SYT16: variants seen among roughly 807,000 people sequenced by gnomAD.
SYT16 encodes synaptotagmin-16.
Under a neutral mutation model 61.4 loss-of-function variants are expected in SYT16, and 42 were observed. The observed-to-expected ratio is 0.68, with a 90% CI of 0.53 to 0.89. The LOEUF (loss-of-function observed/expected upper bound fraction) is 0.89, where lower values mean the gene tolerates loss of function less well. Ranked by LOEUF, SYT16 falls within the 40% of genes least tolerant of loss-of-function variation. The pLI, the probability that SYT16 is intolerant of heterozygous loss-of-function variation, is 0.00. For synonymous variants in SYT16, 314 were observed against 302.3 expected, an observed-to-expected ratio of 1.04 and a Z score of -0.40; for missense variants, 804 against 807.3, an observed-to-expected ratio of 1.00 and a Z score of 0.05.
At chr14:62,070,402 C>A (rs909120131) in intron 4 of SYT16, among the ~76,000 whole-genome samples, 1 of 152,160 alleles carries the variant, frequency 6.6e-6, no homozygotes, top group African/African-American at 2.4e-5. Flanking sequence ...TTCTGACACA[C>A]CCCACCTGCA....
At chr14:61,844,213 T>C (rs1322865060) in intron 1 of SYT16, among the ~76,000 whole-genome samples, 2 of 152,190 alleles carry the variant, frequency 1.3e-5, no homozygotes, top group Non-Finnish European at 2.9e-5. Context: ...CATGTAGAAA[T>C]GCTGATTTTT....
chr14:62,048,546 C>T (rs936021491), intron 3 of SYT16, among the ~76,000 whole-genome samples: 8 of 152,174 alleles, frequency 5.3e-5, no homozygotes, highest in African/African-American at 1.9e-4. Flanking sequence ...TCTTGCTTCT[C>T]TGGTTCTTTT....
In SYT16 at chr14:62,105,213, G is replaced by A. The variant is rs760053532; in HGVS notation, c.*4506G>A. On this transcript the variant is annotated 3_prime_UTR_variant, in exon 8 of 8. Coordinates refer to ENST00000683842, the MANE Select transcript of SYT16 (RefSeq NM_001367656.1). ...AGTACAAATCCTTGATGGTTTGTGT[G>A]TACCTCTTGATCGATCACAAACAAG... 1.3e-5 allele frequency: 2 copies of A among 152,150 alleles called. No individual in the cohort carries two copies. Among genetic ancestry groups the A allele is most frequent in the South Asian group, 4.1e-4 (2 of 4,828 alleles). 9.4% of individuals were successfully genotyped at this position (152,150 alleles called of 1,614,324 possible).
Position 61,996,644 on chromosome 14 carries a change from C to T in SYT16, c.523+102C>T, listed in dbSNP as rs1324155984. The T allele has an allele frequency of 2.0e-5, 27 of 1,370,638 alleles. 1 individual carries two copies. In the South Asian group the frequency reaches 3.1e-4, roughly 16 times the overall value. The allele number at this position is 1,370,638 out of a possible 1,614,324, so 84.9% of individuals were successfully genotyped here. ...GTTATCATGTGGATTTTATTTTTCT[C>T]TCTCTTATACCTTCCCACATACTGG... On this transcript the variant is annotated intron_variant, in intron 3 of 7. Transcript: ENST00000683842.
intron 1 of SYT16, among the ~76,000 whole-genome samples, chr14:61,942,265 A>C (rs1043431072): frequency 6.6e-6 from 1 of 152,216 alleles, no homozygotes; most frequent in Admixed American, 6.5e-5. Context: ...TGTGTGGAAT[A>C]AATTTCCCAC....
intron 3 of SYT16, among the ~76,000 whole-genome samples, chr14:62,026,040 T>TA (rs1370038443): frequency 6.6e-6 from 1 of 152,188 alleles, no homozygotes; most frequent in Non-Finnish European, 1.5e-5. Context: ...CTGTCTTCAT[T>TA]AAAAAATTAG....
intron 1 of SYT16, among the ~76,000 whole-genome samples, chr14:61,829,465 TA>T (rs1594707300): frequency 1.3e-5 from 2 of 151,226 alleles, no homozygotes; most frequent in Non-Finnish European, 2.9e-5. Flanking sequence ...AAATTTGGGA[TA>T]TTTTTATTAT....
chr14:62,013,448 C>T (rs2053545387), intron 3 of SYT16, among the ~76,000 whole-genome samples: 1 of 152,110 alleles, frequency 6.6e-6, no homozygotes, highest in Non-Finnish European at 1.5e-5. Context: ...ATTCCTAGGT[C>T]GAGTTTAAGG....
intron 1 of SYT16, among the ~76,000 whole-genome samples, chr14:61,903,927 A>G (rs1419766757): frequency 2.0e-5 from 3 of 152,220 alleles, no homozygotes; most frequent in African/African-American, 7.2e-5. Flanking sequence ...ATCCTGCTGA[A>G]GACTTTGTGG....
chr14:62,030,273 C>T (rs777261829), intron 3 of SYT16, among the ~76,000 whole-genome samples: 3 of 152,226 alleles, frequency 2.0e-5, no homozygotes, highest in Middle Eastern at 3.4e-3. Flanking sequence ...CCTTTTCAGT[C>T]GCATGGTAGT....
At chr14:62,093,499 C>G (rs912680830) in intron 7 of SYT16, among the ~76,000 whole-genome samples, 33 of 152,020 alleles carry the variant, frequency 2.2e-4, no homozygotes, top group Non-Finnish European at 4.7e-4. Context: ...CTGCCTCATA[C>G]TATAAACACA....
chr14:61,911,864 TTAAAA>T (rs1451153612), intron 1 of SYT16, among the ~76,000 whole-genome samples: 3 of 152,164 alleles, frequency 2.0e-5, no homozygotes, highest in African/African-American at 4.8e-5. Flanking sequence ...TGTTTGATCT[TTAAAA>T]TAACAGAAAC....
rs368104724 is a variant in SYT16, at chr14:61,944,301, A to G, written c.-324-25831A>G. Among the ~76,000 whole-genome samples, 6 of 152,350 alleles carry G rather than the reference A, an allele frequency of 3.9e-5. No homozygotes were observed. The South Asian group carries it at 6.2e-4, about 16-fold the overall frequency. ...AAGAATTAATATTGTGAAAACGGCC[A>G]TATTGCCCAAAGTAATTTGTAGATT... On this transcript the variant is annotated intron_variant, in intron 1 of 7. Coordinates refer to ENST00000683842, the MANE Select transcript of SYT16 (RefSeq NM_001367656.1).
chr14:61,928,088 A>G (rs1002468298), intron 1 of SYT16, among the ~76,000 whole-genome samples: 1 of 152,134 alleles, frequency 6.6e-6, no homozygotes, highest in African/African-American at 2.4e-5. Context: ...TATTTAACCT[A>G]TTTGTTTTCT....
At position 61,864,555 on chromosome 14, in the gene SYT16, C is replaced by T. The variant is rs1013577636; in HGVS notation, c.-325+51745C>T. Among the ~76,000 whole-genome samples, 4 of 152,264 alleles carry T rather than the reference C, an allele frequency of 2.6e-5. 1 individual carries two copies. The highest frequency in any genetic ancestry group is 5.9e-5 in the Non-Finnish European group (4 of 68,038). On this transcript the variant is annotated intron_variant, in intron 1 of 7. Coordinates refer to ENST00000683842, the MANE Select transcript of SYT16 (RefSeq NM_001367656.1). ...GGTAGAGATGAGCAACCTGGCCTAC[C>T]AAGTGCTGCATGGCGAGGCACTGGC...
rs1396292853 is a variant in SYT16 at position 62,084,344 on chromosome 14, A to G, written c.1583A>G (p.Lys528Arg). 1 of 1,613,164 alleles carries G rather than the reference A, an allele frequency of 6.2e-7. No individual in the cohort carries two copies. The highest frequency in any genetic ancestry group is 8.5e-7 in the Non-Finnish European group (1 of 1,179,786). The part of the protein sequence containing the change: ...TTGRLSVEMI[K>R]GSHFRNLAVN... Reference sequence around the variant, plus strand: ...GGGCGATTATCTGTGGAAATGATCAAAGGCAGCCATTTCCGAAACCTCGCT... The same window carrying G: ...GGGCGATTATCTGTGGAAATGATCAGAGGCAGCCATTTCCGAAACCTCGCT... Residue 528 changes from lysine to arginine, a missense_variant, in exon 7 of 8, where the codon AAA becomes AGA. Lys to Arg is a conservative substitution (Grantham distance 26). Transcript: ENST00000683842.
At chr14:61,821,392 A>C (rs760285974) in intron 1 of SYT16, among the ~76,000 whole-genome samples, 22 of 152,192 alleles carry the variant, frequency 1.4e-4, no homozygotes, top group Non-Finnish European at 2.9e-4. Context: ...GTGGCTTAAA[A>C]AAACACTTAT....
intron 2 of SYT16, among the ~76,000 whole-genome samples, chr14:61,992,778 G>A (rs1258345320): frequency 6.6e-6 from 1 of 152,052 alleles, no homozygotes; most frequent in Non-Finnish European, 1.5e-5. Context: ...CGAGTGGATT[G>A]TAAACAACAG....
At chr14:61,954,824 T>C (rs1428817691) in intron 1 of SYT16, among the ~76,000 whole-genome samples, 1 of 152,174 alleles carries the variant, frequency 6.6e-6, no homozygotes, top group Non-Finnish European at 1.5e-5. Context: ...ACTACAATTC[T>C]CATGACCTAT....
Sources: gnomAD v4.1 joint callset for allele counts (sites outside exome capture counted in the v4.1 genomes callset) on GRCh38, gnomAD v4.1.1 for gene constraint, MANE v1.5 for transcripts, NCBI Gene and HGNC (gene_info 2026-07-23, HGNC 2026-07-21) for gene names.